Variants in SV2C observed in about 807,000 individuals in gnomAD.
SV2C encodes the protein synaptic vesicle glycoprotein 2C.
Under a neutral mutation model 79.7 loss-of-function variants are expected in SV2C, and 49 were observed. The ratio of observed to expected loss-of-function variants is 0.61; its 90% CI spans 0.49 to 0.78. SV2C has a LOEUF of 0.78. SV2C is among the 30% of genes least tolerant of loss of function. The pLI is 0.00. For synonymous variants in SV2C, 334 were observed against 333.2 expected (o/e 1.00, Z -0.03); for missense variants, 833 against 912.9 (o/e 0.91, Z 1.13).
chr5:75,900,360 A>T, the SV2C span, among the ~76,000 whole-genome samples: 2 of 152,170 alleles, frequency 1.3e-5, no homozygotes, highest in Admixed American at 1.3e-4. Flanking sequence ...TGGTTTGAAA[A>T]TTCTTTTCTT....
chr5:75,898,332 G>T, the SV2C span, among the ~76,000 whole-genome samples: 8 of 152,136 alleles, frequency 5.3e-5, no homozygotes, highest in Non-Finnish European at 7.4e-5. Flanking sequence ...TAATCATGTG[G>T]TTTTTGTCTT....
chr5:76,209,868 G>A lies in SV2C; in HGVS notation c.894G>A (p.Trp298Ter), dbSNP rs890014680. Reference sequence around the variant, plus strand: ...GCATCTACGCCTCTGCCATGGCCTGGGCCATCATCCCGCACTACGGTAAGA... The same window carrying A: ...GCATCTACGCCTCTGCCATGGCCTGAGCCATCATCCCGCACTACGGTAAGA... ...IGGIYASAMAWAIIPHYGWSF... is the reference protein window; with the variant it reads ...IGGIYASAMA Residue 298 changes from tryptophan (W) to a stop codon, truncating the protein, a stop_gained, in exon 4 of 13, where the codon TGG becomes TGA. Transcript: ENST00000502798. LOFTEE classifies it high-confidence loss of function. The A allele has an allele frequency of 2.5e-6, 4 of 1,613,628 alleles. No individual in the cohort carries two copies. Among genetic ancestry groups the A allele is most frequent in the Non-Finnish European group, 3.4e-6 (4 of 1,179,754 alleles).
At chr5:75,888,390 C>T in the SV2C span, among the ~76,000 whole-genome samples, 27 of 151,784 alleles carry the variant, frequency 1.8e-4, no homozygotes, top group African/African-American at 1.2e-4. Context: ...TGGATTTCAA[C>T]GGACTGGCCC....
At position 76,331,830 on chromosome 5, in the gene SV2C, G is replaced by A. The variant is rs548654002; in HGVS notation, c.*6283G>A. 1 of 152,460 alleles carries A rather than the reference G, an allele frequency of 6.6e-6. No homozygotes were observed. Among genetic ancestry groups the A allele is most frequent in the Non-Finnish European group, 1.5e-5 (1 of 68,220 alleles). The allele number at this position is 152,460 out of a possible 1,614,324, so 9.4% of individuals were successfully genotyped here. A position where few individuals can be genotyped will look rare whatever the true frequency, so the allele number is the denominator to read the frequency against. On this transcript the variant is annotated 3_prime_UTR_variant, in exon 13 of 13. Coordinates refer to ENST00000502798, the MANE Select transcript of SV2C (RefSeq NM_014979.4). Reference sequence around the variant, plus strand: ...GGTGAAGAACAGGAATGGGTGCAGGGGGAGTGTGAACGCAAGGCTGCTGGC... The same window carrying A: ...GGTGAAGAACAGGAATGGGTGCAGGAGGAGTGTGAACGCAAGGCTGCTGGC...
the SV2C span, among the ~76,000 whole-genome samples, chr5:76,073,700 A>G: frequency 6.6e-6 from 1 of 151,658 alleles, no homozygotes; most frequent in African/African-American, 2.4e-5. Flanking sequence ...GTAAGCTATG[A>G]GTATGCAAAG....
chr5:76,039,047 T>C, the SV2C span, among the ~76,000 whole-genome samples: 8 of 152,210 alleles, frequency 5.3e-5, no homozygotes, highest in African/African-American at 1.9e-4. Flanking sequence ...TCTTTAGCAA[T>C]TGCTTTATAC....
intron 11 of SV2C, 106 bp downstream of exon 11, chr5:76,301,038 G>T (rs749366918): frequency 7.1e-6 from 9 of 1,270,506 alleles, no homozygotes; most frequent in Non-Finnish European, 9.9e-6. Context: ...CCAATAAGGA[G>T]AAATCCTTTA....
intron 2 of SV2C, among the ~76,000 whole-genome samples, chr5:76,191,683 C>T (rs1291305322): frequency 6.6e-6 from 1 of 152,192 alleles, no homozygotes; most frequent in Non-Finnish European, 1.5e-5. Context: ...GAACCAGCCT[C>T]CATGTCAGAA....
the SV2C span, chr5:75,921,111 C>T: frequency 1.2e-4 from 96 of 809,992 alleles, no homozygotes; most frequent in East Asian, 2.9e-4. Flanking sequence ...GCATTGTGCA[C>T]GGAGTTGGCC....
the SV2C span, among the ~76,000 whole-genome samples, chr5:76,074,198 G>A: frequency 6.6e-6 from 1 of 152,254 alleles, no homozygotes; most frequent in Non-Finnish European, 1.5e-5. Flanking sequence ...GTGATTTAAA[G>A]CAGGTAAATT....
chr5:75,858,585 G>T, the SV2C span, among the ~76,000 whole-genome samples: 1 of 152,074 alleles, frequency 6.6e-6, no homozygotes. Context: ...ATGTGTCTTT[G>T]GTTTTGGTAT....
chr5:76,313,971 T>C (rs947794012), intron 12 of SV2C, among the ~76,000 whole-genome samples: 9 of 152,218 alleles, frequency 5.9e-5, no homozygotes, highest in South Asian at 4.1e-4. Context: ...TTAAATTATA[T>C]GGGTATGCAT....
At chr5:75,888,415 C>T in the SV2C span, among the ~76,000 whole-genome samples, 4 of 151,944 alleles carry the variant, frequency 2.6e-5, no homozygotes, top group African/African-American at 7.2e-5. Flanking sequence ...CCCAATTACC[C>T]AACCTCATTT....
the SV2C span, among the ~76,000 whole-genome samples, chr5:75,860,663 G>A: frequency 6.6e-6 from 1 of 152,278 alleles, no homozygotes; most frequent in Non-Finnish European, 1.5e-5. Flanking sequence ...CAAAGCTGGA[G>A]GGATCACATT....
intron 3 of SV2C, among the ~76,000 whole-genome samples, chr5:76,199,379 A>G (rs1744365341): frequency 6.6e-6 from 1 of 152,108 alleles, no homozygotes; most frequent in Non-Finnish European, 1.5e-5. Context: ...ATTTCCTAGG[A>G]GTACAGTACT....
At chr5:75,987,409 T>G in the SV2C span, among the ~76,000 whole-genome samples, 113,007 of 151,718 alleles carry the variant, frequency 0.74, 42,160 homozygotes, top group Middle Eastern at 0.85. Context: ...CAGACAGGAT[T>G]CAGGTACAAC....
the SV2C span, among the ~76,000 whole-genome samples, chr5:75,967,350 G>C: frequency 6.6e-6 from 1 of 152,170 alleles, no homozygotes; most frequent in Admixed American, 6.5e-5. Context: ...AGTGCACTGT[G>C]CATGAGCCGA....
the SV2C span, among the ~76,000 whole-genome samples, chr5:76,037,604 C>G: frequency 1.3e-5 from 2 of 152,180 alleles, no homozygotes; most frequent in Non-Finnish European, 2.9e-5. Flanking sequence ...TCTGCCCGTT[C>G]TCAGATCTCC....
chr5:76,130,519 G>T (rs1193085167), intron 1 of SV2C, among the ~76,000 whole-genome samples: 2 of 152,216 alleles, frequency 1.3e-5, no homozygotes, highest in Non-Finnish European at 1.5e-5. Context: ...TTGGAATGCT[G>T]CCATAGCTTA....
Sources: allele counts gnomAD v4.1 joint callset (sites outside exome capture counted in the v4.1 genomes callset), GRCh38; gene constraint gnomAD v4.1.1; transcripts MANE v1.5; gene names NCBI Gene and HGNC (gene_info 2026-07-23, HGNC 2026-07-21).